Variants in CAMTA1 observed in about 807,000 individuals in gnomAD.
CAMTA1 encodes the protein calmodulin binding transcription activator 1, also known as calmodulin-binding transcription activator 1.
A neutral mutation model predicts 170.9 loss-of-function variants in CAMTA1; 27 were observed. The observed-to-expected ratio is 0.16, with a 90% CI of 0.12 to 0.22. The LOEUF (loss-of-function observed/expected upper bound fraction) is 0.22, where lower values mean the gene tolerates loss of function less well. CAMTA1 is among the 10% of genes least tolerant of loss of function. The pLI, the probability that CAMTA1 is intolerant of heterozygous loss-of-function variation, is 1.00. For missense variants in CAMTA1, 1,619 were observed against 2,217.2 expected (o/e 0.73, Z 5.42); for synonymous variants, 833 against 891.5 (o/e 0.93, Z 1.17).
chr1:7,416,299 G>A (rs552960845), intron 5 of CAMTA1, among the ~76,000 whole-genome samples: 17 of 152,284 alleles, frequency 1.1e-4, no homozygotes, highest in Middle Eastern at 6.8e-3. Context: ...GAATCTGAAT[G>A]TTGGCCTGCC....
intron 3 of CAMTA1, among the ~76,000 whole-genome samples, chr1:6,916,994 G>A (rs1334380868): frequency 6.6e-6 from 1 of 152,118 alleles, no homozygotes; most frequent in Non-Finnish European, 1.5e-5. Flanking sequence ...GTGTGGGGTG[G>A]GTCAGGGAAG....
intron 5 of CAMTA1, among the ~76,000 whole-genome samples, chr1:7,316,185 A>G (rs553790630): frequency 6.6e-6 from 1 of 152,312 alleles, no homozygotes; most frequent in East Asian, 1.9e-4. Flanking sequence ...CATGACACAC[A>G]GGGATTATGG....
chr1:6,905,935 C>A (rs566116404), intron 3 of CAMTA1, among the ~76,000 whole-genome samples: 2 of 152,292 alleles, frequency 1.3e-5, no homozygotes, highest in East Asian at 3.9e-4. Flanking sequence ...GCTGCTGGTT[C>A]TGTGCCTGCA....
chr1:7,691,262 T>C (rs1271266758), intron 11 of CAMTA1, among the ~76,000 whole-genome samples: 1 of 151,738 alleles, frequency 6.6e-6, no homozygotes, highest in East Asian at 1.9e-4. Flanking sequence ...AACTCTGTGG[T>C]GGGAGGGAGC....
At chr1:7,573,597 G>A (rs928180374) in intron 6 of CAMTA1, among the ~76,000 whole-genome samples, 7 of 152,164 alleles carry the variant, frequency 4.6e-5, no homozygotes, top group Non-Finnish European at 5.9e-5. Context: ...CGGCCTCCCC[G>A]CCTCCGCTGG....
chr1:7,575,309 C>G (rs1180105913), intron 6 of CAMTA1, among the ~76,000 whole-genome samples: 1 of 152,198 alleles, frequency 6.6e-6, no homozygotes, highest in Non-Finnish European at 1.5e-5. Context: ...CCGACTCTGT[C>G]TCTCTGGATA....
chr1:7,649,941 T>A (rs989367183), intron 7 of CAMTA1, among the ~76,000 whole-genome samples: 2 of 152,228 alleles, frequency 1.3e-5, no homozygotes, highest in African/African-American at 4.8e-5. Context: ...TTTCAGCCTC[T>A]CTTTAAAAAT....
chr1:7,178,670 G>A (rs1319904999), intron 4 of CAMTA1, among the ~76,000 whole-genome samples: 1 of 152,170 alleles, frequency 6.6e-6, no homozygotes, highest in Non-Finnish European at 1.5e-5. Context: ...CCCTGAATGG[G>A]TAGGGTGGGG....
At chr1:7,683,143 C>G (rs1028011871) in intron 11 of CAMTA1, among the ~76,000 whole-genome samples, 3 of 148,214 alleles carry the variant, frequency 2.0e-5, no homozygotes, top group African/African-American at 2.5e-5. Context: ...CCACTGCACT[C>G]CAGCCTCCAG....
chr1:7,120,414 G>A (rs1644572846), intron 4 of CAMTA1, among the ~76,000 whole-genome samples: 1 of 152,212 alleles, frequency 6.6e-6, no homozygotes, highest in African/African-American at 2.4e-5. Context: ...CGTGCTGGCT[G>A]TGGGTGGAGA....
chr1:7,236,316 C>T (rs1039738765), intron 4 of CAMTA1, among the ~76,000 whole-genome samples: 21 of 151,462 alleles, frequency 1.4e-4, no homozygotes, highest in Non-Finnish European at 1.0e-4. Flanking sequence ...GCAGAGGAGA[C>T]GTTCCTTCAT....
intron 3 of CAMTA1, among the ~76,000 whole-genome samples, chr1:6,860,058 G>A (rs1051307273): frequency 6.6e-6 from 1 of 151,888 alleles, no homozygotes; most frequent in African/African-American, 2.4e-5. Flanking sequence ...TTTCTAGTAG[G>A]TTCTTCGTTC....
chr1:7,718,682 C>T (rs1169548326), intron 11 of CAMTA1, among the ~76,000 whole-genome samples: 2 of 151,596 alleles, frequency 1.3e-5, no homozygotes, highest in South Asian at 2.1e-4. Context: ...CTCAGCCTCC[C>T]GAGTAGCTGA....
At chr1:7,675,529 G>A (rs2096109639) in intron 10 of CAMTA1, among the ~76,000 whole-genome samples, 1 of 152,180 alleles carries the variant, frequency 6.6e-6, no homozygotes, top group Admixed American at 6.5e-5. Context: ...CTTTCCAGAT[G>A]TAAGGAGAAG....
chr1:7,498,243 T>C (rs1219520763), intron 6 of CAMTA1, among the ~76,000 whole-genome samples: 5 of 144,154 alleles, frequency 3.5e-5, no homozygotes, highest in Middle Eastern at 6.9e-3. Context: ...TGAGTGTGGA[T>C]GTGTGGGAGA....
chr1:7,631,444 C>T (rs2095668288), intron 6 of CAMTA1, among the ~76,000 whole-genome samples: 1 of 152,186 alleles, frequency 6.6e-6, no homozygotes. Context: ...TTTCTGTAAA[C>T]AGGGATAGCA....
At chr1:7,206,525 C>CT (rs1573892101) in intron 4 of CAMTA1, among the ~76,000 whole-genome samples, 1 of 152,122 alleles carries the variant, frequency 6.6e-6, no homozygotes, top group South Asian at 2.1e-4. Context: ...TTATAATGTG[C>CT]TTTTTTCCAG....
intron 6 of CAMTA1, among the ~76,000 whole-genome samples, chr1:7,481,941 G>A (rs879532923): frequency 1.3e-5 from 2 of 151,876 alleles, no homozygotes; most frequent in African/African-American, 2.4e-5. Context: ...TTGGAACATC[G>A]CCATCACCCC....
chr1:6,802,579 G>A (rs984436850), intron 1 of CAMTA1, among the ~76,000 whole-genome samples: 2 of 152,206 alleles, frequency 1.3e-5, no homozygotes, highest in Non-Finnish European at 2.9e-5. Flanking sequence ...CTAAAGGAGT[G>A]TCTTATGTTC....
Sources: gnomAD v4.1 joint callset for allele counts (sites outside exome capture counted in the v4.1 genomes callset) on GRCh38, gnomAD v4.1.1 for gene constraint, MANE v1.5 for transcripts, NCBI Gene and HGNC (gene_info 2026-07-23, HGNC 2026-07-21) for gene names.